The following RABGGTB variants were observed in gnomAD, a reference collection of about 807,000 sequenced individuals.
RABGGTB encodes the protein Rab geranylgeranyltransferase subunit beta.
In RABGGTB, 20 loss-of-function variants were observed where a neutral mutation model predicts 44.5. That is an observed-to-expected ratio of 0.45 (90% confidence interval 0.32 to 0.65). The LOEUF is 0.65. Among genes scored for constraint, RABGGTB ranks in the 30% least tolerant of loss-of-function variants. The probability of loss-of-function intolerance (pLI) is 0.05; values close to 1 mark genes in which losing one functional copy is unlikely to be tolerated. For synonymous variants in RABGGTB, 128 were observed against 136.7 expected, an observed-to-expected ratio of 0.94 and a Z score of 0.44; for missense variants, 302 against 398.7, an observed-to-expected ratio of 0.76 and a Z score of 2.06.
chr1:75,789,893 A>G (rs998302200), intron 3 of RABGGTB, 59 bp from the exon 4 acceptor site: 15 of 1,287,588 alleles, frequency 1.2e-5, no homozygotes, highest in Non-Finnish European at 1.5e-5. Flanking sequence ...AGAGTTGAGC[A>G]TAAGATCATT....
intron 2 of RABGGTB, chr1:75,787,950 C>T (rs1427497997): frequency 9.2e-6 from 5 of 544,376 alleles, no homozygotes; most frequent in Non-Finnish European, 1.4e-5. Context: ...AACACTTTAG[C>T]TCTAGAATTA....
Position 75,791,328 on chromosome 1 carries a change from G to A in RABGGTB, c.459G>A (p.Leu153=), listed in dbSNP as rs1387377608. The A allele has an allele frequency of 6.2e-7, 1 of 1,608,900 alleles. No homozygotes were observed. Among genetic ancestry groups the A allele is most frequent in the East Asian group, 2.2e-5 (1 of 44,838 alleles). The change falls in exon 5 of 9, where the codon TTG becomes TTA. Residue 153 remains leucine, a synonymous_variant. Transcript: ENST00000319942. ...TCTCTTTTTGTGCGGTGGCAACTTT[G>A]GCTTTGTTGGTAAGCTTTGAATATT... ...TRFSFCAVAT[L]ALLGKLDAIN... is the part of the protein sequence containing the mutation.
At chr1:75,786,671 C>T (rs2100481419) in intron 1 of RABGGTB, 2 of 261,012 alleles carry the variant, frequency 7.7e-6, no homozygotes, top group East Asian at 9.6e-5. Context: ...TACTTAATCA[C>T]TTCCGGTAAT....
At chr1:75,789,402 T>TA (rs1557480461) in intron 3 of RABGGTB, 46 bp downstream of exon 3, 1 of 1,566,340 alleles carries the variant, frequency 6.4e-7, no homozygotes. Flanking sequence ...TATGTTCTCT[T>TA]ACTTCAGAGT....
intron 1 of RABGGTB, 118 bp downstream of exon 1, chr1:75,786,392 C>T (rs1649477597): frequency 1.4e-6 from 2 of 1,425,766 alleles, no homozygotes; most frequent in African/African-American, 1.4e-5. Flanking sequence ...GGTTAGGACA[C>T]AGGCCTTGGA....
chr1:75,788,858 A>C, intron 2 of RABGGTB: 1 of 369,560 alleles, frequency 2.7e-6, no homozygotes, highest in South Asian at 4.1e-5. Context: ...TCACTGATGA[A>C]AAAGGTAGAT....
In RABGGTB at chr1:75,786,269, G is replaced by C. The variant is rs775837096; in HGVS notation, c.-3G>C. The C allele has an allele frequency of 6.2e-7, 1 of 1,614,210 alleles. No homozygotes were observed. The highest frequency in any genetic ancestry group is 8.5e-7 in the Non-Finnish European group (1 of 1,180,042). On this transcript the variant is annotated 5_prime_UTR_variant, in exon 1 of 9. Coordinates refer to ENST00000319942, the MANE Select transcript of RABGGTB (RefSeq NM_004582.4). ...ACCCTGCTCTCTCCTTTCCCTGTTA[G>C]ACATGGTAAGTGTGAGTTTAGCGCT...
rs1237172537 is a variant in RABGGTB, at chr1:75,787,546, T to C, written c.53T>C (p.Leu18Ser). The stretch of plus-strand genomic sequence containing the variant: ...ATCAAGTCAGATGCACCGGACACTT[T>C]GTTATTGGAGAAACATGCAGATTAT... ...VIIKSDAPDT[L>S]LLEKHADYIA... Residue 18 changes from leucine (L) to serine (S), a missense_variant, in exon 2 of 9, where the codon TTG becomes TCG. Leu to Ser is a moderately radical substitution (Grantham distance 145). Coordinates refer to ENST00000319942, the MANE Select transcript of RABGGTB (RefSeq NM_004582.4). 1 of 1,614,124 alleles carries C rather than the reference T, an allele frequency of 6.2e-7. No homozygotes were observed. Among genetic ancestry groups the C allele is most frequent in the South Asian group, 1.1e-5 (1 of 91,082 alleles).
At chr1:75,786,574 T>TG (rs886254056) in intron 1 of RABGGTB, 1 of 408,120 alleles carries the variant, frequency 2.5e-6, no homozygotes, top group African/African-American at 2.1e-5. Flanking sequence ...TTTTTTTTCT[T>TG]GGAGAGGGGG....
chr1:75,793,932 A>C (rs781485033), intron 7 of RABGGTB, 152 bp from the exon 8 acceptor site: 15 of 723,850 alleles, frequency 2.1e-5, no homozygotes, highest in Non-Finnish European at 4.4e-6. Context: ...CATACCCTGC[A>C]TATCAGTATA....
At chr1:75,793,239 A>G (rs1241654988) in intron 7 of RABGGTB, 1 of 152,166 alleles carries the variant, frequency 6.6e-6, no homozygotes, top group African/African-American at 2.4e-5. Flanking sequence ...CTGGGATTAC[A>G]GTCATACACC....
intron 6 of RABGGTB, 133 bp from the exon 7 acceptor site, chr1:75,792,048 C>A: frequency 1.4e-6 from 1 of 736,030 alleles, no homozygotes; most frequent in Non-Finnish European, 2.2e-6. Flanking sequence ...GGTATTAATA[C>A]ATGTTTGGAA....
Position 75,794,252 on chromosome 1 carries a change from A to AT in RABGGTB, c.855+20dup, listed in dbSNP as rs746718462. The AT allele has an allele frequency of 1.9e-6, 3 of 1,581,924 alleles. No homozygotes were observed. In the African/African-American group the frequency reaches 4.1e-5, roughly 22 times the overall value. On this transcript the variant is annotated intron_variant, in intron 8 of 8. Coordinates refer to ENST00000319942, the MANE Select transcript of RABGGTB (RefSeq NM_004582.4). ...AGATATGGCAAGTAATATTTCTGAC[A>AT]TATTTCTATAAATTATTTCAGCGTT... is the stretch of plus-strand genomic sequence containing the variant.
intron 2 of RABGGTB, chr1:75,788,179 T>A (rs557624205): frequency 2.1e-4 from 56 of 271,978 alleles, no homozygotes; most frequent in Non-Finnish European, 3.9e-4. Context: ...AATACTCTAT[T>A]AGCAATCATG....
At chr1:75,788,205 G>A in intron 2 of RABGGTB, 1 of 232,326 alleles carries the variant, frequency 4.3e-6, no homozygotes. Context: ...AAGGCCATAT[G>A]GATGGGGCTG....
At position 75,790,075 on chromosome 1, in the gene RABGGTB, C is replaced by T; in HGVS notation, c.415+18C>T. 2 of 1,608,760 alleles carry T rather than the reference C, an allele frequency of 1.2e-6. No homozygotes were observed. The highest frequency in any genetic ancestry group is 1.7e-6 in the Non-Finnish European group (2 of 1,177,250). Reference sequence around the variant, plus strand: ...TATTTGGGGTAATGTCAGATTTAGTCCATTCTACCCAAAATACCAATATTA... The same window carrying T: ...TATTTGGGGTAATGTCAGATTTAGTTCATTCTACCCAAAATACCAATATTA... On this transcript the variant is annotated intron_variant, in intron 4 of 8. Transcript: ENST00000319942.
At chr1:75,794,346 T>C (rs1557482963) in intron 8 of RABGGTB, 113 bp downstream of exon 8, 3 of 1,373,046 alleles carry the variant, frequency 2.2e-6, no homozygotes, top group Non-Finnish European at 9.9e-7. Context: ...GCAGTTTTTT[T>C]TTCTATTTAT....
Position 75,787,530 on chromosome 1 carries a change from G to A in RABGGTB, c.37G>A (p.Asp13Asn), listed in dbSNP as rs908307300. ...ACAGAAGGATGTTATTATCAAGTCAGATGCACCGGACACTTTGTTATTGGA... is the reference window on the plus strand; with the variant it reads ...ACAGAAGGATGTTATTATCAAGTCAAATGCACCGGACACTTTGTTATTGGA... The part of the protein sequence containing the change: ...TPQKDVIIKS[D>N]APDTLLLEKH... Residue 13 changes from aspartate to asparagine, a missense_variant, in exon 2 of 9, where the codon GAT (aspartate) becomes AAT (asparagine). By Grantham distance (23) the Asp-to-Asn change is conservative. Transcript: ENST00000319942. The A allele has an allele frequency of 1.2e-6, 2 of 1,614,036 alleles. No homozygotes were observed. Among genetic ancestry groups the A allele is most frequent in the South Asian group, 2.2e-5 (2 of 91,088 alleles).
chr1:75,794,421 A>G, intron 8 of RABGGTB, 89 bp from the exon 9 acceptor site: 1 of 1,390,272 alleles, frequency 7.2e-7, no homozygotes, highest in Admixed American at 2.2e-5. Context: ...TGCTAACAAA[A>G]TTAGTATATG....
Sources: allele counts gnomAD v4.1 joint callset, GRCh38; gene constraint gnomAD v4.1.1; transcripts MANE v1.5; gene names NCBI Gene and HGNC (gene_info 2026-07-23, HGNC 2026-07-21).